Variants in DAW1 observed in about 807,000 individuals in gnomAD.
DAW1 encodes dynein assembly factor with WD repeat domains 1.
Under a neutral mutation model 56.5 loss-of-function variants are expected in DAW1, and 47 were observed. The observed-to-expected ratio is 0.83, with a 90% CI of 0.66 to 1.06. The LOEUF is 1.06. Ranked by LOEUF, DAW1 falls within the 50% of genes least tolerant of loss-of-function variation. DAW1 has a pLI of 0.00. For missense variants in DAW1, 505 were observed against 499.3 expected (o/e 1.01, Z -0.11); for synonymous variants, 190 against 179.0 (o/e 1.06, Z -0.49).
chr2:227,889,988 C>T lies in DAW1; in HGVS notation c.246C>T (p.Phe82=), dbSNP rs377325885. The T allele has an allele frequency of 3.2e-6, 5 of 1,586,576 alleles. No homozygotes were observed. The highest frequency in any genetic ancestry group is 4.3e-6 in the Non-Finnish European group (5 of 1,170,510). ...EKLGQNSNHT[F]YLFKVLKAHI... ...TCGGCCAGAACAGCAATCACACGTTCTATCTTTTTAAGGTAATGGATTTAA... is the reference window on the plus strand; with the variant it reads ...TCGGCCAGAACAGCAATCACACGTTTTATCTTTTTAAGGTAATGGATTTAA... Residue 82 remains phenylalanine, a synonymous_variant, in exon 3 of 13, where the codon TTC becomes TTT. Coordinates refer to ENST00000309931, the MANE Select transcript of DAW1 (RefSeq NM_178821.3).
intron 1 of DAW1, among the ~76,000 whole-genome samples, chr2:227,879,078 G>T (rs1690950432): frequency 6.6e-6 from 1 of 152,074 alleles, no homozygotes. Flanking sequence ...GAGCCACCAT[G>T]CCTGGCTTCT....
At chr2:227,913,928 T>TATCTATCTTCA (rs201424453) in intron 10 of DAW1, among the ~76,000 whole-genome samples, 4 of 147,558 alleles carry the variant, frequency 2.7e-5, no homozygotes, top group African/African-American at 1.0e-4. Context: ...TCTATCTATC[T>TATCTATCTTCA]TCATCATCAT....
chr2:227,880,039 A>G (rs1690972579), intron 1 of DAW1, among the ~76,000 whole-genome samples: 1 of 152,202 alleles, frequency 6.6e-6, no homozygotes, highest in Non-Finnish European at 1.5e-5. Context: ...ACATCTTTAC[A>G]GCATTGGGTT....
chr2:227,884,112 A>T (rs998241546), intron 1 of DAW1, among the ~76,000 whole-genome samples: 1 of 152,114 alleles, frequency 6.6e-6, no homozygotes, highest in Admixed American at 6.5e-5. Flanking sequence ...AAGTTCACAG[A>T]TTCTATTCTC....
At chr2:227,886,061 G>A (rs1028936952) in intron 2 of DAW1, among the ~76,000 whole-genome samples, 1 of 144,616 alleles carries the variant, frequency 6.9e-6, no homozygotes, top group Non-Finnish European at 1.5e-5. Context: ...TGCATCCTCC[G>A]CCTCCTGAGT....
chr2:227,884,081 A>G (rs957104252), intron 1 of DAW1, among the ~76,000 whole-genome samples: 8 of 152,162 alleles, frequency 5.3e-5, no homozygotes, highest in African/African-American at 1.9e-4. Context: ...CGGATGGAAT[A>G]TATTCTATGG....
In DAW1 at chr2:227,924,144, A is replaced by G; in HGVS notation, c.*176A>G. The G allele has an allele frequency of 1.4e-6, 1 of 699,246 alleles. No homozygotes were observed. The highest frequency in any genetic ancestry group is 2.4e-6 in the Non-Finnish European group (1 of 414,138). 43.3% of individuals were successfully genotyped at this position (699,246 alleles called of 1,614,324 possible). A position where few individuals can be genotyped will look rare whatever the true frequency, so the allele number is the denominator to read the frequency against. On this transcript the variant is annotated 3_prime_UTR_variant, in exon 13 of 13. Coordinates refer to ENST00000309931, the MANE Select transcript of DAW1 (RefSeq NM_178821.3). ...CCATTAAACATGACAAAGTTATGCC[A>G]CTCCAATATTATTATTTGATGGCGA...
intron 10 of DAW1, among the ~76,000 whole-genome samples, chr2:227,907,959 A>G (rs1691726893): frequency 6.6e-6 from 1 of 152,214 alleles, no homozygotes; most frequent in Non-Finnish European, 1.5e-5. Flanking sequence ...CGCTATGTCT[A>G]CTGCATCTTT....
At chr2:227,906,426 A>C in intron 9 of DAW1, 88 bp downstream of exon 9, 2 of 872,178 alleles carry the variant, frequency 2.3e-6, no homozygotes, top group Non-Finnish European at 3.2e-6. Context: ...AACAGATTTC[A>C]AAGATGATAT....
chr2:227,886,240 A>C (rs150297396), intron 2 of DAW1, among the ~76,000 whole-genome samples: 2 of 152,276 alleles, frequency 1.3e-5, no homozygotes, highest in African/African-American at 4.8e-5. Flanking sequence ...GGGAGACCTA[A>C]TCTCTATTAC....
At chr2:227,920,260 G>A (rs75788723) in intron 11 of DAW1, among the ~76,000 whole-genome samples, 8,399 of 152,186 alleles carry the variant, frequency 0.055, 270 homozygotes, top group Middle Eastern at 0.095. Flanking sequence ...ATTTCTATGG[G>A]GTGCAAAGCT....
chr2:227,888,794 G>A lies in DAW1; in HGVS notation c.114-1062G>A, dbSNP rs76841321. On this transcript the variant is annotated intron_variant, in intron 2 of 12. Transcript: ENST00000309931. The stretch of plus-strand genomic sequence containing the variant: ...TATACATTGATACCTTTTTTTGAAC[G>A]AATATTATTCTGTGCCAGCAACATT... 3.7e-4 allele frequency among the ~76,000 whole-genome samples: 56 copies of A among 152,118 alleles called. No individual in the cohort carries two copies. In the East Asian group the frequency reaches 8.7e-3, roughly 24 times the overall value.
At chr2:227,881,163 A>G (rs187800349) in intron 1 of DAW1, among the ~76,000 whole-genome samples, 1 of 152,368 alleles carries the variant, frequency 6.6e-6, no homozygotes, top group Non-Finnish European at 1.5e-5. Flanking sequence ...CACGTGCTGT[A>G]AGGACAGAGA....
intron 2 of DAW1, among the ~76,000 whole-genome samples, chr2:227,886,300 C>G (rs1008818064): frequency 6.6e-6 from 1 of 152,106 alleles, no homozygotes; most frequent in Non-Finnish European, 1.5e-5. Context: ...TAATAACACC[C>G]AGAGTTCATT....
intron 1 of DAW1, chr2:227,872,042 T>C: frequency 5.1e-6 from 2 of 389,988 alleles, no homozygotes; most frequent in South Asian, 1.4e-4. Flanking sequence ...AAGTTCATAG[T>C]GCTTGATTTC....
intron 10 of DAW1, among the ~76,000 whole-genome samples, chr2:227,912,988 T>C (rs1691866624): frequency 6.6e-6 from 1 of 152,212 alleles, no homozygotes; most frequent in Non-Finnish European, 1.5e-5. Context: ...GCTTATAGCA[T>C]CATAAATGTT....
At chr2:227,917,266 C>CT (rs111771960) in intron 10 of DAW1, among the ~76,000 whole-genome samples, 52 of 142,368 alleles carry the variant, frequency 3.7e-4, no homozygotes, top group East Asian at 1.6e-3. Context: ...TTTTTTGTTT[C>CT]TTTTTTTTTT....
intron 6 of DAW1, among the ~76,000 whole-genome samples, chr2:227,902,334 A>T (rs1256206495): frequency 6.6e-6 from 1 of 152,104 alleles, no homozygotes; most frequent in African/African-American, 2.4e-5. Flanking sequence ...TGTCGAGGAT[A>T]CTGGGAGGAG....
intron 1 of DAW1, among the ~76,000 whole-genome samples, chr2:227,878,049 T>C (rs1690926627): frequency 6.6e-6 from 1 of 152,252 alleles, no homozygotes; most frequent in South Asian, 2.1e-4. Context: ...AAGTAGTGAA[T>C]AAAGAAAGCA....
Sources: gnomAD v4.1 joint callset for allele counts (sites outside exome capture counted in the v4.1 genomes callset) on GRCh38, gnomAD v4.1.1 for gene constraint, MANE v1.5 for transcripts, NCBI Gene and HGNC (gene_info 2026-07-23, HGNC 2026-07-21) for gene names.